Variants in SSH2 observed in about 807,000 individuals in gnomAD.
SSH2 encodes the protein protein phosphatase Slingshot homolog 2.
In SSH2, 37 loss-of-function variants were observed where a neutral mutation model predicts 135.2. The observed-to-expected ratio is 0.27, with a 90% confidence interval of 0.21 to 0.36. The LOEUF (loss-of-function observed/expected upper bound fraction) is 0.36, where lower values mean the gene tolerates loss of function less well. Among genes scored for constraint, SSH2 ranks in the 10% least tolerant of loss-of-function variants. The probability of loss-of-function intolerance (pLI) is 1.00; values close to 1 mark genes in which losing one functional copy is unlikely to be tolerated. For synonymous variants in SSH2, 628 were observed against 646.2 expected (o/e 0.97, Z 0.43); for missense variants, 1,408 against 1,765.3 (o/e 0.80, Z 3.63).
chr17:29,829,964 C>T (rs1036982576), intron 2 of SSH2, among the ~76,000 whole-genome samples: 3 of 151,820 alleles, frequency 2.0e-5, no homozygotes, highest in Admixed American at 2.0e-4. Context: ...CTCAGCCTCC[C>T]GAGTAGCTGG....
At chr17:29,676,683 C>T in intron 8 of SSH2, 137 bp downstream of exon 8, 1 of 664,622 alleles carries the variant, frequency 1.5e-6, no homozygotes, top group South Asian at 1.8e-5. Context: ...ATTTCTAGGT[C>T]ATCTTTAACT....
At chr17:29,761,841 A>ATGTGTGTGTGTGTG in intron 3 of SSH2, among the ~76,000 whole-genome samples, 1 of 141,300 alleles carries the variant, frequency 7.1e-6, no homozygotes, top group African/African-American at 2.9e-5. Flanking sequence ...ACTCACATAC[A>ATGTGTGTGTGTGTG]TATGTGTGTG....
At chr17:29,904,998 A>G (rs915586019) in intron 1 of SSH2, among the ~76,000 whole-genome samples, 1 of 152,210 alleles carries the variant, frequency 6.6e-6, no homozygotes. Flanking sequence ...GAAATCAGAG[A>G]GGACAGAAAC....
At position 29,791,137 on chromosome 17, in the gene SSH2, G is replaced by A. The variant is rs187406613; in HGVS notation, c.188+2757C>T. ...GTCTTGCTCTGCTGCCCAGGCTGGC[G>A]TGCAGTGGCTTGATCTCGGCTCACT... On this transcript the variant is annotated intron_variant, in intron 3 of 15. Transcript: ENST00000540801. Among the ~76,000 whole-genome samples the A allele has an allele frequency of 9.9e-5, 15 of 151,484 alleles. No individual in the cohort carries two copies. The East Asian group carries it at 2.3e-3, about 24-fold the overall frequency.
chr17:29,908,763 GAAAAAAA>G (rs60242323), intron 1 of SSH2, among the ~76,000 whole-genome samples: 5 of 50,880 alleles, frequency 9.8e-5, no homozygotes, highest in African/African-American at 3.1e-4. Flanking sequence ...GACTCCATCT[GAAAAAAA>G]AAAAAAAAAA....
At chr17:29,757,260 A>G (rs956279807) in intron 3 of SSH2, among the ~76,000 whole-genome samples, 14 of 152,166 alleles carry the variant, frequency 9.2e-5, no homozygotes, top group Non-Finnish European at 1.9e-4. Context: ...GAGCTTCTTA[A>G]TCTTTTTTGA....
chr17:29,778,824 C>T (rs1285436297), intron 3 of SSH2, among the ~76,000 whole-genome samples: 22 of 103,080 alleles, frequency 2.1e-4, no homozygotes, highest in Middle Eastern at 6.6e-3. Context: ...ACAGAGTGAG[C>T]CTCCGTCTCC....
intron 3 of SSH2, among the ~76,000 whole-genome samples, chr17:29,729,375 G>A (rs2040105653): frequency 6.6e-6 from 1 of 152,106 alleles, no homozygotes. Context: ...CTTTAATCCA[G>A]AAGATAGGAA....
chr17:29,786,655 A>C (rs142685189), intron 3 of SSH2, among the ~76,000 whole-genome samples: 1 of 152,304 alleles, frequency 6.6e-6, no homozygotes, highest in African/African-American at 2.4e-5. Context: ...TGGAGTTCAA[A>C]TATCACAAAA....
Position 29,778,835 on chromosome 17 carries a change from CAAAAAAAAAAAA to C in SSH2, c.188+15047_188+15058del, listed in dbSNP as rs60595591. ...GGTGACAGAGTGAGCCTCCGTCTCC[CAAAAAAAAAAAA>C]AAAAAAAAAAAAAAAAAAGTAAGTC... On this transcript the variant is annotated intron_variant, in intron 3 of 15. Transcript: ENST00000540801. Among the ~76,000 whole-genome samples the C allele has an allele frequency of 1.6e-4, 6 of 37,868 alleles. No homozygotes were observed. The East Asian group carries it at 3.4e-3, about 22-fold the overall frequency. The allele number at this position is 37,868 out of a possible 152,430, so 24.8% of individuals were successfully genotyped here. A position where few individuals can be genotyped will look rare whatever the true frequency, so the allele number is the denominator to read the frequency against.
chr17:29,781,645 A>G (rs947397053), intron 3 of SSH2, among the ~76,000 whole-genome samples: 2 of 151,324 alleles, frequency 1.3e-5, no homozygotes, highest in Non-Finnish European at 1.5e-5. Flanking sequence ...ACGCCTGGCC[A>G]ATTTTTGTAT....
At chr17:29,646,143 T>C (rs1042352974) in intron 14 of SSH2, among the ~76,000 whole-genome samples, 2 of 152,202 alleles carry the variant, frequency 1.3e-5, no homozygotes, top group African/African-American at 4.8e-5. Flanking sequence ...GCATGTAGCA[T>C]CTCAGGAAAC....
chr17:29,843,421 G>C (rs2043077875), intron 2 of SSH2, among the ~76,000 whole-genome samples: 1 of 152,066 alleles, frequency 6.6e-6, no homozygotes, highest in Non-Finnish European at 1.5e-5. Context: ...CCAGGCATGG[G>C]TGGTGCATGC....
Position 29,890,822 on chromosome 17 carries a change from C to G in SSH2, c.63+39116G>C, listed in dbSNP as rs1421599211. Among the ~76,000 whole-genome samples the G allele has an allele frequency of 2.0e-5, 3 of 152,294 alleles. No individual in the cohort carries two copies. The East Asian group carries it at 5.8e-4, about 29-fold the overall frequency. On this transcript the variant is annotated intron_variant, in intron 1 of 15. Coordinates refer to ENST00000540801, the MANE Select transcript of SSH2 (RefSeq NM_001282129.2). ...CCAGGCTGGAGCGCTGTGGTGCGAT[C>G]TCGGCTCACTGCAACCTCTGCCTCC...
intron 1 of SSH2, among the ~76,000 whole-genome samples, chr17:29,909,419 AAC>A (rs1367896418): frequency 6.6e-6 from 1 of 152,224 alleles, no homozygotes; most frequent in Non-Finnish European, 1.5e-5. Context: ...GAACTTAATT[AAC>A]TTTAAATGAA....
intron 1 of SSH2, among the ~76,000 whole-genome samples, chr17:29,919,038 T>A (rs951064652): frequency 1.3e-5 from 2 of 152,122 alleles, no homozygotes; most frequent in African/African-American, 4.8e-5. Flanking sequence ...AAGTTATAAG[T>A]CCTTGCTGGC....
intron 3 of SSH2, among the ~76,000 whole-genome samples, chr17:29,719,730 G>C (rs1266977167): frequency 6.6e-6 from 1 of 152,136 alleles, no homozygotes; most frequent in Non-Finnish European, 1.5e-5. Context: ...GTAAATTACA[G>C]AGCAGGAGTC....
intron 8 of SSH2, chr17:29,674,052 T>C (rs530854480): frequency 2.5e-4 from 116 of 456,608 alleles, no homozygotes; most frequent in Admixed American, 4.2e-4. Flanking sequence ...ACAAAGATCA[T>C]GCAAAATGAT....
In SSH2 at chr17:29,699,755, A is replaced by C. The variant is rs534380423; in HGVS notation, c.292+3204T>G. 5.9e-5 allele frequency among the ~76,000 whole-genome samples: 9 copies of C among 152,296 alleles called. No individual in the cohort carries two copies. In the South Asian group the frequency reaches 1.9e-3, roughly 32 times the overall value. On this transcript the variant is annotated intron_variant, in intron 4 of 15. Transcript: ENST00000540801. Reference sequence around the variant, plus strand: ...AATAATTTGTCTTCTTTTTACTGTAAGGGATAAATATCCACACTGAAAAGA... The same window carrying C: ...AATAATTTGTCTTCTTTTTACTGTACGGGATAAATATCCACACTGAAAAGA...
Sources: gnomAD v4.1 joint callset for allele counts (sites outside exome capture counted in the v4.1 genomes callset) on GRCh38, gnomAD v4.1.1 for gene constraint, MANE v1.5 for transcripts, NCBI Gene and HGNC (gene_info 2026-07-23, HGNC 2026-07-21) for gene names.